The following EPHA6 variants were observed in gnomAD, a reference collection of about 807,000 sequenced individuals.
EPHA6 encodes the protein ephrin type-A receptor 6.
A neutral mutation model predicts 112.0 loss-of-function variants in EPHA6; 50 were observed. The observed-to-expected ratio is 0.45, with a 90% CI of 0.36 to 0.56. The LOEUF is 0.56. EPHA6 is among the 20% of genes least tolerant of loss of function. The pLI is 0.00. For synonymous variants in EPHA6, 529 were observed against 490.7 expected, an observed-to-expected ratio of 1.08 and a Z score of -1.03; for missense variants, 1,280 against 1,417.4, an observed-to-expected ratio of 0.90 and a Z score of 1.56.
intron 2 of EPHA6, among the ~76,000 whole-genome samples, chr3:96,935,129 C>A (rs987712358): frequency 6.6e-6 from 1 of 151,782 alleles, no homozygotes; most frequent in Non-Finnish European, 1.5e-5. Flanking sequence ...CAAATACTTA[C>A]CATGTTCGTT....
intron 5 of EPHA6, among the ~76,000 whole-genome samples, chr3:97,303,245 A>G (rs535652312): frequency 1.3e-5 from 2 of 152,136 alleles, no homozygotes; most frequent in African/African-American, 2.4e-5. Context: ...CAAAGCAAAC[A>G]TTATTTAAAA....
intron 2 of EPHA6, among the ~76,000 whole-genome samples, chr3:96,935,202 A>G (rs1441394675): frequency 2.0e-5 from 3 of 151,894 alleles, no homozygotes. Flanking sequence ...GAAATAAACT[A>G]TAACTAAATT....
At chr3:97,279,497 AT>A (rs202006311) in intron 5 of EPHA6, among the ~76,000 whole-genome samples, 8 of 151,682 alleles carry the variant, frequency 5.3e-5, no homozygotes, top group African/African-American at 1.7e-4. Flanking sequence ...TAGGAAATCT[AT>A]TTAAAAAAAA....
chr3:97,499,074 T>G (rs2092053772), intron 10 of EPHA6, among the ~76,000 whole-genome samples: 1 of 151,690 alleles, frequency 6.6e-6, no homozygotes, highest in South Asian at 2.1e-4. Flanking sequence ...TACACATATA[T>G]CTTTAGAAAA....
chr3:97,685,742 A>C (rs913571978), intron 14 of EPHA6, among the ~76,000 whole-genome samples: 6 of 152,198 alleles, frequency 3.9e-5, no homozygotes, highest in Admixed American at 2.0e-4. Context: ...ATTTACTCAG[A>C]AAGAGAAGAA....
At chr3:96,851,501 A>C (rs1428136968) in intron 1 of EPHA6, among the ~76,000 whole-genome samples, 3 of 152,140 alleles carry the variant, frequency 2.0e-5, no homozygotes, top group African/African-American at 7.2e-5. Flanking sequence ...TTCTAGAAAA[A>C]TTGGTGAACC....
intron 14 of EPHA6, among the ~76,000 whole-genome samples, chr3:97,690,596 T>G (rs1465853968): frequency 6.6e-6 from 1 of 152,024 alleles, no homozygotes; most frequent in African/African-American, 2.4e-5. Context: ...GCCTCTTAAG[T>G]AGCTGGGATT....
At chr3:97,020,122 C>A (rs1421596416) in intron 3 of EPHA6, among the ~76,000 whole-genome samples, 1 of 152,094 alleles carries the variant, frequency 6.6e-6, no homozygotes, top group African/African-American at 2.4e-5. Flanking sequence ...CTCTATTATA[C>A]CTCTGTCAAT....
intron 3 of EPHA6, among the ~76,000 whole-genome samples, chr3:97,171,137 A>G (rs1347049058): frequency 6.6e-6 from 1 of 152,212 alleles, no homozygotes; most frequent in South Asian, 2.1e-4. Flanking sequence ...AGTATCAGCT[A>G]CAGATTTATG....
At chr3:97,119,235 C>G (rs1020112280) in intron 3 of EPHA6, among the ~76,000 whole-genome samples, 1 of 151,994 alleles carries the variant, frequency 6.6e-6, no homozygotes, top group Non-Finnish European at 1.5e-5. Flanking sequence ...AAACTATGCA[C>G]TAACTCATTA....
chr3:96,936,813 T>C (rs1418971659), intron 2 of EPHA6, among the ~76,000 whole-genome samples: 1 of 152,112 alleles, frequency 6.6e-6, no homozygotes, highest in African/African-American at 2.4e-5. Flanking sequence ...CCTGTGTCCA[T>C]GTGTTCTCAC....
intron 5 of EPHA6, among the ~76,000 whole-genome samples, chr3:97,292,310 C>T (rs1232553599): frequency 6.6e-6 from 1 of 152,256 alleles, no homozygotes; most frequent in Non-Finnish European, 1.5e-5. Flanking sequence ...CTCCTTGTCA[C>T]TCACAATGTG....
At chr3:97,358,737 G>C (rs970938997) in intron 5 of EPHA6, among the ~76,000 whole-genome samples, 13 of 151,868 alleles carry the variant, frequency 8.6e-5, no homozygotes, top group African/African-American at 3.1e-4. Context: ...TTCTTGCAGA[G>C]GAAGTCTACT....
At chr3:97,417,282 A>G (rs2088202069) in intron 6 of EPHA6, among the ~76,000 whole-genome samples, 1 of 152,136 alleles carries the variant, frequency 6.6e-6, no homozygotes, top group Non-Finnish European at 1.5e-5. Context: ...TGTTGGGAAT[A>G]TATCTGATGT....
intron 14 of EPHA6, among the ~76,000 whole-genome samples, chr3:97,683,550 C>G (rs2032022356): frequency 1.3e-5 from 2 of 152,166 alleles, no homozygotes; most frequent in South Asian, 4.2e-4. Flanking sequence ...TACAATTTTA[C>G]AGAGAGGAGA....
intron 2 of EPHA6, among the ~76,000 whole-genome samples, chr3:96,920,796 T>G (rs939468833): frequency 6.6e-6 from 1 of 152,028 alleles, no homozygotes; most frequent in Non-Finnish European, 1.5e-5. Context: ...TAAATAAAAT[T>G]TCTTGTTCTC....
At chr3:97,382,086 G>A (rs989024569) in intron 5 of EPHA6, among the ~76,000 whole-genome samples, 22 of 151,994 alleles carry the variant, frequency 1.4e-4, no homozygotes, top group Middle Eastern at 3.2e-3. Flanking sequence ...ATTTAGAAAT[G>A]TATATTTTAA....
intron 6 of EPHA6, chr3:97,447,898 C>A: frequency 3.9e-6 from 2 of 512,534 alleles, no homozygotes; most frequent in Non-Finnish European, 5.1e-6. Context: ...TTTAAATCTA[C>A]TTCACAGTCA....
chr3:97,748,672 C>T lies in EPHA6; in HGVS notation c.3364C>T (p.His1122Tyr). 1.9e-6 allele frequency: 3 copies of T among 1,608,276 alleles called. No homozygotes were observed. The highest frequency in any genetic ancestry group is 2.6e-6 in the Non-Finnish European group (3 of 1,174,960). The change falls in exon 18 of 18, where the codon CAC becomes TAC. Residue 1122 changes from histidine (H) to tyrosine (Y), a missense_variant. By Grantham distance (83) the His-to-Tyr change is moderately conservative. This residue lies in a region of EPHA6 where 145 missense variants were observed against 153.3 expected (regional missense o/e 0.95). Coordinates refer to ENST00000389672, the MANE Select transcript of EPHA6 (RefSeq NM_001080448.3). ...ACAGACTTTACGTTTACACATGATGCACATACAGGAGAAGGGATTTCATGT... is the reference window on the plus strand; with the variant it reads ...ACAGACTTTACGTTTACACATGATGTACATACAGGAGAAGGGATTTCATGT... ...SIQTLRLHMM[H>Y]IQEKGFHV
Sources: gnomAD v4.1 joint callset for allele counts (sites outside exome capture counted in the v4.1 genomes callset) on GRCh38, gnomAD v4.1.1 for gene constraint, gnomAD v4.1.1 regional missense constraint, MANE v1.5 for transcripts, NCBI Gene and HGNC (gene_info 2026-07-23, HGNC 2026-07-21) for gene names.